Variants in NXPH1 observed in about 807,000 individuals in gnomAD.
The protein encoded by NXPH1 is neurexophilin-1.
In NXPH1, 5 loss-of-function variants were observed where a neutral mutation model predicts 23.7. That is an observed-to-expected ratio of 0.21 (90% CI 0.11 to 0.44). NXPH1 has a LOEUF of 0.44. Ranked by LOEUF, NXPH1 falls within the 20% of genes least tolerant of loss-of-function variation. The pLI is 0.99. For missense variants in NXPH1, 324 were observed against 321.6 expected (o/e 1.01, Z -0.06); for synonymous variants, 144 against 122.2 (o/e 1.18, Z -1.18).
At chr7:8,545,434 C>T (rs1206256819) in intron 2 of NXPH1, among the ~76,000 whole-genome samples, 1 of 151,416 alleles carries the variant, frequency 6.6e-6, no homozygotes, top group Non-Finnish European at 1.5e-5. Flanking sequence ...CAACTGATAA[C>T]ATAAACAACA....
chr7:8,484,295 G>A (rs545689173), intron 2 of NXPH1, among the ~76,000 whole-genome samples: 1 of 151,958 alleles, frequency 6.6e-6, no homozygotes, highest in Admixed American at 6.6e-5. Flanking sequence ...GGTTTCTAAG[G>A]GCTGGCACCA....
intron 2 of NXPH1, among the ~76,000 whole-genome samples, chr7:8,610,944 A>G (rs1217964803): frequency 6.6e-6 from 1 of 152,148 alleles, no homozygotes; most frequent in Non-Finnish European, 1.5e-5. Context: ...CCAATGGAAT[A>G]GCCATTAAGG....
intron 2 of NXPH1, among the ~76,000 whole-genome samples, chr7:8,476,607 C>T (rs916744942): frequency 5.9e-5 from 9 of 151,834 alleles, no homozygotes; most frequent in Admixed American, 2.6e-4. Flanking sequence ...TTACACTAAC[C>T]TTCCTGATCT....
chr7:8,721,245 T>C (rs534960912), intron 2 of NXPH1, among the ~76,000 whole-genome samples: 1 of 152,146 alleles, frequency 6.6e-6, no homozygotes, highest in South Asian at 2.1e-4. Context: ...CACACATACA[T>C]ACATATATGC....
chr7:8,558,858 T>C (rs1468282540), intron 2 of NXPH1, among the ~76,000 whole-genome samples: 1 of 151,794 alleles, frequency 6.6e-6, no homozygotes, highest in African/African-American at 2.4e-5. Context: ...GTGTTGATTA[T>C]CTTGCTATAG....
intron 2 of NXPH1, among the ~76,000 whole-genome samples, chr7:8,584,689 TTC>T (rs1380298959): frequency 2.6e-5 from 4 of 152,242 alleles, no homozygotes. Context: ...TAACCACTGA[TTC>T]CAAGTGGAAT....
intron 2 of NXPH1, among the ~76,000 whole-genome samples, chr7:8,631,424 A>G (rs1820126204): frequency 6.6e-6 from 1 of 152,196 alleles, no homozygotes; most frequent in South Asian, 2.1e-4. Context: ...AAATTGACAA[A>G]TGGAATCTAA....
intron 2 of NXPH1, among the ~76,000 whole-genome samples, chr7:8,493,970 A>C (rs576494581): frequency 2.9e-4 from 44 of 152,158 alleles, no homozygotes; most frequent in Admixed American, 6.6e-4. Flanking sequence ...AAAAAATAAA[A>C]TGAGGGTAAG....
chr7:8,529,591 G>A (rs1817920617), intron 2 of NXPH1, among the ~76,000 whole-genome samples: 1 of 152,298 alleles, frequency 6.6e-6, no homozygotes, highest in Admixed American at 6.5e-5. Context: ...CTGCATTCAA[G>A]TCTTGGCTTT....
rs374378486 is a variant in NXPH1 at position 8,739,937 on chromosome 7, C to T, written c.55-11071C>T. 1.4e-4 allele frequency among the ~76,000 whole-genome samples: 22 copies of T among 152,254 alleles called. 2 individuals carry two copies. In the South Asian group the frequency reaches 4.4e-3, roughly 30 times the overall value. On this transcript the variant is annotated intron_variant, in intron 2 of 2. Transcript: ENST00000405863. ...GAATTTTTCAGCTCCATTATAATCT[C>T]CTGGGACCACCATTGTATATGCAGT... is the stretch of plus-strand genomic sequence containing the variant.
Position 8,721,621 on chromosome 7 carries a change from A to T in NXPH1, c.55-29387A>T, listed in dbSNP as rs892173645. On this transcript the variant is annotated intron_variant, in intron 2 of 2. Transcript: ENST00000405863. ...AAACCCTGTCTCCACTTAAAAAAATACAAAAAATTAGCTGGGCGTGGTGGC... is the reference window on the plus strand; with the variant it reads ...AAACCCTGTCTCCACTTAAAAAAATTCAAAAAATTAGCTGGGCGTGGTGGC... Among the ~76,000 whole-genome samples, 28 of 152,110 alleles carry T rather than the reference A, an allele frequency of 1.8e-4. 1 individual carries two copies. The highest frequency in any genetic ancestry group is 2.9e-5 in the Non-Finnish European group (2 of 68,026).
chr7:8,689,630 C>A (rs1180338307), intron 2 of NXPH1, among the ~76,000 whole-genome samples: 1 of 152,164 alleles, frequency 6.6e-6, no homozygotes, highest in East Asian at 1.9e-4. Context: ...GGCATGAGAA[C>A]AGGGAGTAAA....
At chr7:8,446,589 G>C (rs1207324195) in intron 2 of NXPH1, among the ~76,000 whole-genome samples, 1 of 152,152 alleles carries the variant, frequency 6.6e-6, no homozygotes, top group Admixed American at 6.5e-5. Flanking sequence ...TTTGAATGTA[G>C]TTAAATCATT....
chr7:8,577,658 A>G (rs980536011), intron 2 of NXPH1, among the ~76,000 whole-genome samples: 1 of 152,198 alleles, frequency 6.6e-6, no homozygotes, highest in Admixed American at 6.5e-5. Context: ...AGCCAGCTTG[A>G]AGGCTTCCAG....
At chr7:8,546,567 G>GTGAAT (rs1439705488) in intron 2 of NXPH1, among the ~76,000 whole-genome samples, 4 of 151,412 alleles carry the variant, frequency 2.6e-5, no homozygotes, top group African/African-American at 9.7e-5. Context: ...AGTAGAGCTT[G>GTGAAT]TGAATATACT....
chr7:8,739,200 A>AC (rs1780319013), intron 2 of NXPH1, among the ~76,000 whole-genome samples: 1 of 147,776 alleles, frequency 6.8e-6, no homozygotes. Context: ...AAAAAAAAAA[A>AC]AAAACCCTGC....
chr7:8,490,380 T>C (rs1416969197), intron 2 of NXPH1, among the ~76,000 whole-genome samples: 1 of 151,560 alleles, frequency 6.6e-6, no homozygotes. Flanking sequence ...TGCAGAGAAA[T>C]AGCTGCTTGT....
intron 2 of NXPH1, among the ~76,000 whole-genome samples, chr7:8,523,283 A>T (rs1817804044): frequency 6.6e-6 from 1 of 152,160 alleles, no homozygotes; most frequent in African/African-American, 2.4e-5. Context: ...GCACACTCAG[A>T]ATTTCTAATA....
chr7:8,658,654 G>A (rs567912781), intron 2 of NXPH1, among the ~76,000 whole-genome samples: 1 of 152,172 alleles, frequency 6.6e-6, no homozygotes, highest in South Asian at 2.1e-4. Context: ...AATCATTCCT[G>A]GTTCCCATAT....
Sources: gnomAD v4.1 joint callset for allele counts (sites outside exome capture counted in the v4.1 genomes callset) on GRCh38, gnomAD v4.1.1 for gene constraint, MANE v1.5 for transcripts, NCBI Gene and HGNC (gene_info 2026-07-23, HGNC 2026-07-21) for gene names.